SLCO1A2: variants seen among roughly 807,000 people sequenced by gnomAD.
SLCO1A2 encodes solute carrier organic anion transporter family member 1A2.
In SLCO1A2, 67 loss-of-function variants were observed where a neutral mutation model predicts 69.0. That is an observed-to-expected ratio of 0.97 (90% CI 0.80 to 1.19). The LOEUF (loss-of-function observed/expected upper bound fraction) is 1.19. Among genes scored for constraint, SLCO1A2 ranks in the 50% most tolerant of loss-of-function variants. The probability of loss-of-function intolerance (pLI) is 0.00; values close to 1 mark genes in which losing one functional copy is unlikely to be tolerated. For synonymous variants in SLCO1A2, 260 were observed against 265.9 expected, an observed-to-expected ratio of 0.98 and a Z score of 0.22; for missense variants, 787 against 793.7, an observed-to-expected ratio of 0.99 and a Z score of 0.10.
chr12:21,267,789 G>C lies in SLCO1A2; in HGVS notation c.*1759C>G, dbSNP rs1942235126. 1 of 151,988 alleles carries C rather than the reference G, an allele frequency of 6.6e-6. No individual in the cohort carries two copies. Among genetic ancestry groups the C allele is most frequent in the Non-Finnish European group, 1.5e-5 (1 of 68,020 alleles). The allele number at this position is 151,988 out of a possible 1,614,324, so 9.4% of individuals were successfully genotyped here. A position where few individuals can be genotyped will look rare whatever the true frequency, so the allele number is the denominator to read the frequency against. On this transcript the variant is annotated 3_prime_UTR_variant, in exon 15 of 15. Transcript: ENST00000683939. ...GAATATAGGTAAGTCTCTTCTCCTT[G>C]TTTTAGTTTCCAGGCCATTCTCCTC...
intron 1 of SLCO1A2, chr12:21,417,850 G>A (rs1036849367): frequency 6.6e-5 from 10 of 152,060 alleles, no homozygotes; most frequent in African/African-American, 2.4e-4. Flanking sequence ...TGTAAGGAGA[G>A]TCAAATAGAA....
intron 12 of SLCO1A2, among the ~76,000 whole-genome samples, chr12:21,287,799 G>A (rs1470480875): frequency 2.1e-3 from 235 of 113,038 alleles, no homozygotes; most frequent in African/African-American, 8.0e-3. Context: ...CTCATAGGTG[G>A]GAATTGAACA....
At chr12:21,350,632 C>G (rs994130723) in intron 2 of SLCO1A2, among the ~76,000 whole-genome samples, 2 of 151,636 alleles carry the variant, frequency 1.3e-5, no homozygotes, top group Non-Finnish European at 2.9e-5. Flanking sequence ...GTCAGAAGAT[C>G]GAGACCATCC....
chr12:21,297,541 GA>G lies in SLCO1A2; in HGVS notation c.937del (p.Ser313ProfsTer12), dbSNP rs1489286068. 20 of 1,580,904 alleles carry G rather than the reference GA, an allele frequency of 1.3e-5. No homozygotes were observed. Among genetic ancestry groups the G allele is most frequent in the Non-Finnish European group, 1.7e-5 (20 of 1,157,942 alleles). On this transcript the variant is annotated frameshift_variant, in exon 9 of 15. Coordinates refer to ENST00000683939, the MANE Select transcript of SLCO1A2 (RefSeq NM_001386879.1). LOFTEE classifies it high-confidence loss of function. ...GAAAAGCATATAAATTGGATTGCAGGAAAGACTTTTCATGAAAGGTAGAAAA... is the reference window on the plus strand; with the variant it reads ...GAAAAGCATATAAATTGGATTGCAGGAAGACTTTTCATGAAAGGTAGAAAA... ...KDFLPFMKSL[S>X]CNPIYMLFIL... is the part of the protein sequence containing the mutation.
rs12312475 is a variant in SLCO1A2, at chr12:21,330,998, T to C, written c.60+3590A>G. On this transcript the variant is annotated intron_variant, in intron 2 of 14. Transcript: ENST00000683939. ...AAGATTCTTTCTCATATAAAATTACTTTTCTTTTAAGCTTTCTTACCAAAA... is the reference window on the plus strand; with the variant it reads ...AAGATTCTTTCTCATATAAAATTACCTTTCTTTTAAGCTTTCTTACCAAAA... 4.8e-3 allele frequency among the ~76,000 whole-genome samples: 730 copies of C among 152,316 alleles called. 5 individuals carry two copies. Among genetic ancestry groups the C allele is most frequent in the African/African-American group, 0.014 (569 of 41,580 alleles).
Position 21,300,349 on chromosome 12 carries a change from T to G in SLCO1A2, c.909A>C (p.Lys303Asn), listed in dbSNP as rs1017963248. The G allele has an allele frequency of 1.9e-6, 3 of 1,596,386 alleles. No homozygotes were observed. Among genetic ancestry groups the G allele is most frequent in the Non-Finnish European group, 2.6e-6 (3 of 1,165,250 alleles). ...EVKKEKYGIT[K>N]DFLPFMKSLS... ...AGTATTTAGAATATGTATATTTGCC[T>G]TTAGTGATTCCATATTTTTCCTTCT... The change falls in exon 8 of 15, where the codon AAA (lysine) becomes AAC (asparagine). Residue 303 changes from lysine to asparagine, a missense_variant and splice_region_variant. Lys to Asn is a moderately conservative substitution (Grantham distance 94). Transcript: ENST00000683939.
At chr12:21,320,786 A>AC (rs1453329674) in intron 2 of SLCO1A2, among the ~76,000 whole-genome samples, 1 of 152,204 alleles carries the variant, frequency 6.6e-6, no homozygotes, top group Non-Finnish European at 1.5e-5. Context: ...AGCATGAGCC[A>AC]CCATGCCCAG....
chr12:21,406,611 T>A (rs1189095707), intron 1 of SLCO1A2, among the ~76,000 whole-genome samples: 1 of 152,222 alleles, frequency 6.6e-6, no homozygotes, highest in Non-Finnish European at 1.5e-5. Context: ...TTAACTAATG[T>A]AATCCTCTCA....
At chr12:21,415,078 C>T (rs887098251) in intron 1 of SLCO1A2, among the ~76,000 whole-genome samples, 15 of 151,880 alleles carry the variant, frequency 9.9e-5, no homozygotes, top group African/African-American at 2.4e-4. Context: ...CTTATCAAAC[C>T]GTATCTTTTA....
chr12:21,387,753 T>C (rs962494607), intron 1 of SLCO1A2, among the ~76,000 whole-genome samples: 1 of 152,126 alleles, frequency 6.6e-6, no homozygotes, highest in Non-Finnish European at 1.5e-5. Flanking sequence ...CTAGTGGAGC[T>C]GTGAGAAGAG....
In SLCO1A2 at chr12:21,268,006, C is replaced by A. The variant is rs1329672623; in HGVS notation, c.*1542G>T. ...TTTTTTATATGCCCAGAGTTGAAGTCTCAAACTTCATGAAACTGAAACTTA... is the reference window on the plus strand; with the variant it reads ...TTTTTTATATGCCCAGAGTTGAAGTATCAAACTTCATGAAACTGAAACTTA... On this transcript the variant is annotated 3_prime_UTR_variant, in exon 15 of 15. Coordinates refer to ENST00000683939, the MANE Select transcript of SLCO1A2 (RefSeq NM_001386879.1). The A allele has an allele frequency of 6.6e-6, 1 of 152,090 alleles. No homozygotes were observed. Among genetic ancestry groups the A allele is most frequent in the African/African-American group, 2.4e-5 (1 of 41,426 alleles). 9.4% of individuals were successfully genotyped at this position (152,090 alleles called of 1,614,324 possible).
intron 14 of SLCO1A2, among the ~76,000 whole-genome samples, chr12:21,270,979 A>ATCTT (rs933428791): frequency 6.6e-6 from 1 of 151,544 alleles, no homozygotes; most frequent in Non-Finnish European, 1.5e-5. Flanking sequence ...ATCTATTTTT[A>ATCTT]TCTTTCTACT....
intron 1 of SLCO1A2, among the ~76,000 whole-genome samples, chr12:21,381,848 G>A (rs372699325): frequency 3.5e-4 from 54 of 152,188 alleles, no homozygotes; most frequent in East Asian, 2.1e-3. Flanking sequence ...TGTAAATGTG[G>A]GGAAAAAGAA....
At chr12:21,376,213 A>G (rs1384811408) in intron 1 of SLCO1A2, 1 of 159,678 alleles carries the variant, frequency 6.3e-6, no homozygotes, top group Non-Finnish European at 1.4e-5. Flanking sequence ...TTTAGCATAT[A>G]AAGTATTTCA....
At chr12:21,341,366 A>G (rs1427498291) in intron 2 of SLCO1A2, among the ~76,000 whole-genome samples, 1 of 152,024 alleles carries the variant, frequency 6.6e-6, no homozygotes, top group Non-Finnish European at 1.5e-5. Context: ...AGGAATTTCT[A>G]TGCTGTTTTC....
At chr12:21,350,607 C>T (rs889571947) in intron 2 of SLCO1A2, among the ~76,000 whole-genome samples, 19 of 151,948 alleles carry the variant, frequency 1.3e-4, no homozygotes, top group East Asian at 1.9e-4. Flanking sequence ...GAGGCCGAGG[C>T]GGGTGGATCA....
intron 1 of SLCO1A2, among the ~76,000 whole-genome samples, chr12:21,387,347 C>T (rs1446393427): frequency 6.6e-6 from 1 of 152,176 alleles, no homozygotes; most frequent in East Asian, 1.9e-4. Context: ...CACAGCAGCC[C>T]CTCCCATCCC....
intron 12 of SLCO1A2, among the ~76,000 whole-genome samples, chr12:21,276,667 T>C (rs1379415243): frequency 6.6e-6 from 1 of 152,060 alleles, no homozygotes; most frequent in African/African-American, 2.4e-5. Context: ...GGTCTTGAAT[T>C]GCCAACACCA....
chr12:21,300,392 T>C lies in SLCO1A2; in HGVS notation c.866A>G (p.Lys289Arg), dbSNP rs760003930. 2 of 1,613,430 alleles carry C rather than the reference T, an allele frequency of 1.2e-6. No homozygotes were observed. The highest frequency in any genetic ancestry group is 1.7e-6 in the Non-Finnish European group (2 of 1,179,574). The change falls in exon 8 of 15, where the codon AAA becomes AGA. Residue 289 changes from lysine to arginine, a missense_variant. Lys to Arg is a conservative substitution (Grantham distance 26, BLOSUM62 2). Transcript: ENST00000683939. ...TTCCTTCTTGACCTCTTCTTTTTGT[T>C]TGTCTTCATTTTCATTTTTAATGAT... ...ADIIKNENED[K>R]QKEEVKKEKY...
Sources: allele counts gnomAD v4.1 joint callset (sites outside exome capture counted in the v4.1 genomes callset), GRCh38; gene constraint gnomAD v4.1.1; transcripts MANE v1.5; gene names NCBI Gene and HGNC (gene_info 2026-07-23, HGNC 2026-07-21).